Variants in IFFO2 observed in about 807,000 individuals in gnomAD.
The protein encoded by IFFO2 is intermediate filament family orphan 2.
A neutral mutation model predicts 53.5 loss-of-function variants in IFFO2; 19 were observed. The observed-to-expected ratio is 0.36, with a 90% CI of 0.25 to 0.52. The LOEUF is 0.52. Ranked by LOEUF, IFFO2 falls within the 20% of genes least tolerant of loss-of-function variation. IFFO2 has a pLI of 0.94. For synonymous variants in IFFO2, 303 were observed against 313.6 expected (o/e 0.97, Z 0.36); for missense variants, 570 against 727.4 (o/e 0.78, Z 2.49).
In IFFO2 at chr1:18,919,137, G is replaced by C. The variant is rs985451138; in HGVS notation, c.822+541C>G. On this transcript the variant is annotated intron_variant, in intron 3 of 8. Coordinates refer to ENST00000455833, the MANE Select transcript of IFFO2 (RefSeq NM_001136265.2). The surrounding 1 kb of genome is among the most constrained non-coding windows in gnomAD (Gnocchi z 4.9). ...CACTGTTTGAAGGGGAGGAGACCTG[G>C]GTCCCCAGCAGCAAGGAGCCCTTTG... Among the ~76,000 whole-genome samples, 3 of 152,162 alleles carry C rather than the reference G, an allele frequency of 2.0e-5. No individual in the cohort carries two copies. Among genetic ancestry groups the C allele is most frequent in the Non-Finnish European group, 4.4e-5 (3 of 68,022 alleles).
intron 1 of IFFO2, among the ~76,000 whole-genome samples, chr1:18,930,509 C>T (rs1432121074): frequency 6.6e-6 from 1 of 152,202 alleles, no homozygotes; most frequent in Non-Finnish European, 1.5e-5. Context: ...GAACCCCCGT[C>T]AGCAAAACCC....
intron 1 of IFFO2, among the ~76,000 whole-genome samples, chr1:18,922,181 G>A (rs191327977): frequency 6.6e-6 from 1 of 152,248 alleles, no homozygotes; most frequent in East Asian, 1.9e-4. Context: ...ATCCCCTTGC[G>A]GAGCTCCTCA....
chr1:18,931,605 GAA>G (rs1936375878), intron 1 of IFFO2, among the ~76,000 whole-genome samples: 1 of 152,184 alleles, frequency 6.6e-6, no homozygotes, highest in Non-Finnish European at 1.5e-5. Flanking sequence ...TCTTCTACGA[GAA>G]GGGAAGAATT....
chr1:18,929,836 C>T (rs750088429), intron 1 of IFFO2, among the ~76,000 whole-genome samples: 9 of 152,244 alleles, frequency 5.9e-5, no homozygotes, highest in Non-Finnish European at 8.8e-5. Flanking sequence ...CCTCCTCTGG[C>T]ACCACTTTCC....
At chr1:18,950,260 G>A (rs1210859491) in intron 1 of IFFO2, among the ~76,000 whole-genome samples, 2 of 152,232 alleles carry the variant, frequency 1.3e-5, no homozygotes, top group African/African-American at 2.4e-5. Flanking sequence ...GGGACAGAGA[G>A]AGCGGCGACA....
intron 5 of IFFO2, among the ~76,000 whole-genome samples, chr1:18,913,958 C>CCTCAGCCTCCTGA (rs760160285): frequency 6.6e-6 from 1 of 152,016 alleles, no homozygotes. Context: ...CAGCCTCCTG[C>CCTCAGCCTCCTGA]GTAGCTGGGA....
In IFFO2 at chr1:18,919,661, C is replaced by T. The variant is rs757424548; in HGVS notation, c.822+17G>A. ...TGGGGGAGGTCATGACACCCAGGGG[C>T]GGCGGGCGGCACTTACGTCACTCAT... On this transcript the variant is annotated intron_variant, in intron 3 of 8. Transcript: ENST00000455833. This position sits in a 1 kb window ranked among gnomAD's most constrained non-coding sequence, Gnocchi z 4.9. 4.4e-5 allele frequency: 68 copies of T among 1,534,790 alleles called. No individual in the cohort carries two copies. The highest frequency in any genetic ancestry group is 1.4e-4 in the African/African-American group (10 of 72,686).
At chr1:18,952,573 A>C (rs1241385454) in intron 1 of IFFO2, among the ~76,000 whole-genome samples, 1 of 152,276 alleles carries the variant, frequency 6.6e-6, no homozygotes, top group Admixed American at 6.5e-5. Context: ...GAACTTCAAA[A>C]AAAATTCTCT....
rs1251287747 is a variant in IFFO2, at chr1:18,919,820, G to A, written c.727-47C>T. 1.5e-6 allele frequency: 2 copies of A among 1,333,844 alleles called. No individual in the cohort carries two copies. The highest frequency in any genetic ancestry group is 1.3e-5 in the South Asian group (1 of 79,648). The allele number at this position is 1,333,844 out of a possible 1,614,324, so 82.6% of individuals were successfully genotyped here. On this transcript the variant is annotated intron_variant, in intron 2 of 8. Coordinates refer to ENST00000455833, the MANE Select transcript of IFFO2 (RefSeq NM_001136265.2). This position sits in a 1 kb window ranked among gnomAD's most constrained non-coding sequence, Gnocchi z 4.9. ...GGCTTCAGAGGGGCCGGGTCCTCTG[G>A]GGATAGGAGGGTCTGGACACCTGAG... is the stretch of plus-strand genomic sequence containing the variant.
Position 18,918,479 on chromosome 1 carries a change from C to A in IFFO2, c.846G>T (p.Lys282Asn). 1.3e-6 allele frequency: 2 copies of A among 1,556,896 alleles called. No individual in the cohort carries two copies. The highest frequency in any genetic ancestry group is 4.8e-5 in the East Asian group (2 of 41,292). The change falls in exon 4 of 9, where the codon AAG becomes AAT. Residue 282 changes from lysine to asparagine, a missense_variant. Physicochemically the swap from Lys to Asn is moderately conservative, Grantham distance 94. Transcript: ENST00000455833. This position sits in a 1 kb window ranked among gnomAD's most constrained non-coding sequence, Gnocchi z 5.2. Reference protein sequence around the residue: ...MSDPMTDLDTKIQEKAMKVDM... With the variant: ...MSDPMTDLDTNIQEKAMKVDM... ...CCACCTTCATGGCCTTTTCTTGGAT[C>A]TTTGTGTCCAGGTCTGTCATGGGCT...
intron 1 of IFFO2, among the ~76,000 whole-genome samples, chr1:18,927,804 C>T (rs1475045225): frequency 6.6e-6 from 1 of 152,230 alleles, no homozygotes; most frequent in Non-Finnish European, 1.5e-5. Flanking sequence ...GCAGGCTCCC[C>T]GGTGGGGTCA....
Position 18,956,053 on chromosome 1 carries a change from G to C in IFFO2, c.280C>G (p.Arg94Gly). The C allele has an allele frequency of 1.4e-6, 2 of 1,471,322 alleles. No homozygotes were observed. The highest frequency in any genetic ancestry group is 1.8e-6 in the Non-Finnish European group (2 of 1,097,506). 91.1% of individuals were successfully genotyped at this position (1,471,322 alleles called of 1,614,324 possible). A position where few individuals can be genotyped will look rare whatever the true frequency, so the allele number is the denominator to read the frequency against. Residue 94 changes from arginine to glycine, a missense_variant, in exon 1 of 9, where the codon CGG (arginine) becomes GGG (glycine). By Grantham distance (125) the Arg-to-Gly change is moderately radical (BLOSUM62 -2). Transcript: ENST00000455833. This position sits in a 1 kb window ranked among gnomAD's most constrained non-coding sequence, Gnocchi z 6.4. ...QLEQQQSERERRLRYKTFSRE... is the reference protein window; with the variant it reads ...QLEQQQSEREGRLRYKTFSRE... ...GAGAAGGTCTTGTAGCGCAGCCGCCGCTCGCGCTCGCTCTGCTGCTGCTCC... is the reference window on the plus strand; with the variant it reads ...GAGAAGGTCTTGTAGCGCAGCCGCCCCTCGCGCTCGCTCTGCTGCTGCTCC...
chr1:18,920,945 G>T, intron 2 of IFFO2, 116 bp downstream of exon 2: 2 of 824,874 alleles, frequency 2.4e-6, no homozygotes, highest in Non-Finnish European at 2.0e-6. Context: ...GTGGTAGGAG[G>T]TAACAGAGTA....
Position 18,908,609 on chromosome 1 carries a change from GATCT to G in IFFO2, c.1502_1505del (p.Glu501AlafsTer19). 6.4e-7 allele frequency: 1 copy of G among 1,551,732 alleles called. No homozygotes were observed. The highest frequency in any genetic ancestry group is 8.7e-7 in the Non-Finnish European group (1 of 1,146,984). On this transcript the variant is annotated frameshift_variant, in exon 9 of 9. Coordinates refer to ENST00000455833, the MANE Select transcript of IFFO2 (RefSeq NM_001136265.2). LOFTEE classifies it high-confidence loss of function. ...CCGCCTCGCGCTCGAACTCATCCTG[GATCT>G]CATCTGTACTTCCTGAGTCGCTGCT... is the stretch of plus-strand genomic sequence containing the variant.
rs1279240620 is a variant in IFFO2 at position 18,928,695 on chromosome 1, A to G, written c.666-7574T>C. Among the ~76,000 whole-genome samples, 2 of 152,180 alleles carry G rather than the reference A, an allele frequency of 1.3e-5. No individual in the cohort carries two copies. Among genetic ancestry groups the G allele is most frequent in the Admixed American group, 6.5e-5 (1 of 15,284 alleles). On this transcript the variant is annotated intron_variant, in intron 1 of 8. Coordinates refer to ENST00000455833, the MANE Select transcript of IFFO2 (RefSeq NM_001136265.2). This position sits in a 1 kb window ranked among gnomAD's most constrained non-coding sequence, Gnocchi z 4.9. Reference sequence around the variant, plus strand: ...AGCGGGTACTGGGCTAGGAAGCAGGAGGTCCTGGTTCATGCCCTGGCTGCG... The same window carrying G: ...AGCGGGTACTGGGCTAGGAAGCAGGGGGTCCTGGTTCATGCCCTGGCTGCG...
chr1:18,910,543 C>T lies in IFFO2; in HGVS notation c.1318-71G>A. The T allele has an allele frequency of 2.0e-6, 3 of 1,530,340 alleles. No homozygotes were observed. The South Asian group carries it at 3.6e-5, about 18-fold the overall frequency. 94.8% of individuals were successfully genotyped at this position (1,530,340 alleles called of 1,614,324 possible). On this transcript the variant is annotated intron_variant, in intron 7 of 8. Coordinates refer to ENST00000455833, the MANE Select transcript of IFFO2 (RefSeq NM_001136265.2). ...GTGACAGAAGCCTCGGCAACCTCTC[C>T]TCCTGGATTCCTCAGGGATGGTGCC...
In IFFO2 at chr1:18,916,847, C is replaced by T; in HGVS notation, c.1103+56G>A. The T allele has an allele frequency of 6.5e-7, 1 of 1,542,738 alleles. No homozygotes were observed. The highest frequency in any genetic ancestry group is 8.8e-7 in the Non-Finnish European group (1 of 1,140,584). Reference sequence around the variant, plus strand: ...CTCAGCCCAAGCCTCCCATTCACCGCCCCTGTGCAAGCAATCCGGGGAAAC... The same window carrying T: ...CTCAGCCCAAGCCTCCCATTCACCGTCCCTGTGCAAGCAATCCGGGGAAAC... On this transcript the variant is annotated intron_variant, in intron 5 of 8. Coordinates refer to ENST00000455833, the MANE Select transcript of IFFO2 (RefSeq NM_001136265.2). The surrounding 1 kb of genome is among the most constrained non-coding windows in gnomAD (Gnocchi z 4.3).
intron 6 of IFFO2, 132 bp downstream of exon 6, chr1:18,911,831 G>A (rs1053402304): frequency 1.9e-5 from 23 of 1,191,308 alleles, no homozygotes; most frequent in East Asian, 1.1e-4. Context: ...GAGCCACTGC[G>A]CCTGGCCCAA....
At chr1:18,944,405 G>C (rs572957021) in intron 1 of IFFO2, among the ~76,000 whole-genome samples, 1 of 152,174 alleles carries the variant, frequency 6.6e-6, no homozygotes, top group Admixed American at 6.5e-5. Context: ...AGAGGTAAGG[G>C]GAGCAGCCAA....
Sources: gnomAD v4.1 joint callset for allele counts (sites outside exome capture counted in the v4.1 genomes callset) on GRCh38, gnomAD v4.1.1 for gene constraint, Gnocchi (gnomAD v3.1) non-coding constraint, MANE v1.5 for transcripts, NCBI Gene and HGNC (gene_info 2026-07-23, HGNC 2026-07-21) for gene names.